Variants in ASPH observed in about 807,000 individuals in gnomAD.
ASPH encodes the protein aspartyl/asparaginyl beta-hydroxylase.
In ASPH, 100 loss-of-function variants were observed where a neutral mutation model predicts 118.4. The observed-to-expected ratio is 0.84, with a 90% CI of 0.72 to 1.00. The LOEUF (loss-of-function observed/expected upper bound fraction) is 1.00, where lower values mean the gene tolerates loss of function less well. Ranked by LOEUF, ASPH falls within the 50% of genes least tolerant of loss-of-function variation. The pLI is 0.00. For missense variants in ASPH, 920 were observed against 919.5 expected (o/e 1.00, Z -0.01); for synonymous variants, 315 against 325.6 (o/e 0.97, Z 0.35).
At chr8:61,523,045 A>T (rs181165044) in intron 22 of ASPH, among the ~76,000 whole-genome samples, 28 of 152,304 alleles carry the variant, frequency 1.8e-4, no homozygotes, top group African/African-American at 6.0e-4. Flanking sequence ...AGCCTTAGGC[A>T]TTCGACTACC....
At chr8:61,553,193 T>G in intron 19 of ASPH, 73 bp from the exon 20 acceptor site, 1 of 1,172,096 alleles carries the variant, frequency 8.5e-7, no homozygotes, top group Non-Finnish European at 1.2e-6. Flanking sequence ...TACATAGCTT[T>G]TCTTATGGCA....
intron 15 of ASPH, chr8:61,578,074 A>T (rs1835946684): frequency 1.1e-6 from 1 of 883,586 alleles, no homozygotes; most frequent in African/African-American, 1.7e-5. Context: ...AAAGCAAATC[A>T]GTTACTTCTA....
At chr8:61,668,250 T>C in intron 3 of ASPH, 1 of 1,609,308 alleles carries the variant, frequency 6.2e-7, no homozygotes, top group Non-Finnish European at 8.5e-7. Context: ...CCTTAGTTTT[T>C]CTCTTGGCTA....
chr8:61,629,887 T>C (rs1041968085), intron 13 of ASPH, among the ~76,000 whole-genome samples: 1 of 152,206 alleles, frequency 6.6e-6, no homozygotes, highest in African/African-American at 2.4e-5. Flanking sequence ...TCAATCCGAT[T>C]TCTACCACTT....
intron 14 of ASPH, among the ~76,000 whole-genome samples, chr8:61,600,720 A>T (rs968662809): frequency 6.6e-6 from 1 of 151,528 alleles, no homozygotes; most frequent in Non-Finnish European, 1.5e-5. Context: ...GAAAACATAC[A>T]GCAAGATAAT....
intron 3 of ASPH, among the ~76,000 whole-genome samples, chr8:61,677,597 T>C (rs1456950516): frequency 4.6e-5 from 7 of 152,340 alleles, no homozygotes; most frequent in East Asian, 1.9e-4. Context: ...TATGTCATTG[T>C]TCATGTTTTT....
At chr8:61,666,893 T>C (rs1055322571) in intron 3 of ASPH, among the ~76,000 whole-genome samples, 3 of 152,226 alleles carry the variant, frequency 2.0e-5, no homozygotes, top group Admixed American at 2.0e-4. Context: ...TGTCTTATTC[T>C]GAAAACTGCT....
intron 18 of ASPH, among the ~76,000 whole-genome samples, chr8:61,561,075 A>AGGGAGG (rs1563821073): frequency 2.6e-5 from 2 of 77,916 alleles, no homozygotes; most frequent in African/African-American, 1.1e-4. Flanking sequence ...AGGAAGGGAG[A>AGGGAGG]GAGGGAGGGA....
At chr8:61,697,789 T>C (rs1433774373) in intron 1 of ASPH, among the ~76,000 whole-genome samples, 1 of 152,200 alleles carries the variant, frequency 6.6e-6, no homozygotes, top group Non-Finnish European at 1.5e-5. Flanking sequence ...ATTAAAATTA[T>C]TTTATTTGAT....
At chr8:61,577,175 G>A (rs377679548) in intron 15 of ASPH, among the ~76,000 whole-genome samples, 52 of 151,770 alleles carry the variant, frequency 3.4e-4, no homozygotes, top group African/African-American at 1.1e-3. Flanking sequence ...AGGGCCTGTC[G>A]TGGGGTGGGG....
At chr8:61,627,826 C>T (rs1023448106) in intron 13 of ASPH, among the ~76,000 whole-genome samples, 2 of 152,132 alleles carry the variant, frequency 1.3e-5, no homozygotes, top group African/African-American at 4.8e-5. Flanking sequence ...AAACCAGGAC[C>T]GTCATCTCTT....
chr8:61,603,010 T>C (rs547496611), intron 14 of ASPH, among the ~76,000 whole-genome samples: 1 of 151,818 alleles, frequency 6.6e-6, no homozygotes, highest in South Asian at 2.1e-4. Flanking sequence ...CTGGCCAACA[T>C]GGTGAAACCC....
chr8:61,662,849 A>C lies in ASPH; in HGVS notation c.323-9189T>G, dbSNP rs553723804. 5 of 983,814 alleles carry C rather than the reference A, an allele frequency of 5.1e-6. No homozygotes were observed. In the African/African-American group the frequency reaches 8.7e-5, roughly 17 times the overall value. The allele number at this position is 983,814 out of a possible 1,614,324, so 60.9% of individuals were successfully genotyped here. On this transcript the variant is annotated intron_variant, in intron 3 of 24. Coordinates refer to ENST00000379454, the MANE Select transcript of ASPH (RefSeq NM_004318.4). ...TCAAAGTACTTTACTAAATAGCAAT[A>C]GACAATTCTTATGTGCTTTTGATGA...
chr8:61,580,893 A>G (rs1837305792), intron 15 of ASPH, among the ~76,000 whole-genome samples: 1 of 152,194 alleles, frequency 6.6e-6, no homozygotes, highest in Admixed American at 6.5e-5. Flanking sequence ...ATAACATAAC[A>G]TTTACAGGTT....
chr8:61,577,848 A>G (rs187856386), intron 15 of ASPH, among the ~76,000 whole-genome samples: 1 of 152,296 alleles, frequency 6.6e-6, no homozygotes, highest in Admixed American at 6.5e-5. Context: ...TATGGGGATT[A>G]CAATTTGAGA....
intron 14 of ASPH, among the ~76,000 whole-genome samples, chr8:61,606,030 A>G (rs1226725676): frequency 6.6e-6 from 1 of 152,134 alleles, no homozygotes; most frequent in Non-Finnish European, 1.5e-5. Flanking sequence ...GAGGTATGCA[A>G]TTAATGGCGC....
intron 13 of ASPH, chr8:61,628,248 C>T (rs1443159744): frequency 3.3e-6 from 1 of 300,880 alleles, no homozygotes; most frequent in Non-Finnish European, 6.4e-6. Flanking sequence ...CAGCTTTGAC[C>T]TCCTGGACTC....
At chr8:61,616,370 C>A (rs1849041136) in intron 14 of ASPH, among the ~76,000 whole-genome samples, 1 of 152,176 alleles carries the variant, frequency 6.6e-6, no homozygotes, top group African/African-American at 2.4e-5. Context: ...TGCAACTGCC[C>A]TGTGAGCAGC....
intron 1 of ASPH, among the ~76,000 whole-genome samples, chr8:61,704,771 G>A (rs187759696): frequency 6.6e-6 from 1 of 152,226 alleles, no homozygotes; most frequent in East Asian, 1.9e-4. Context: ...ACTACAGTAA[G>A]AAGCCACGGC....
Sources: gnomAD v4.1 joint callset for allele counts (sites outside exome capture counted in the v4.1 genomes callset) on GRCh38, gnomAD v4.1.1 for gene constraint, MANE v1.5 for transcripts, NCBI Gene and HGNC (gene_info 2026-07-23, HGNC 2026-07-21) for gene names.